Variants in MAD1L1 observed in about 807,000 individuals in gnomAD.
MAD1L1 encodes the protein mitotic arrest deficient 1 like 1.
In MAD1L1, 95 loss-of-function variants were observed where a neutral mutation model predicts 96.9. The observed-to-expected ratio is 0.98, with a 90% CI of 0.83 to 1.16. The LOEUF (loss-of-function observed/expected upper bound fraction) is 1.16, where lower values mean the gene tolerates loss of function less well. Among genes scored for constraint, MAD1L1 ranks in the 50% most tolerant of loss-of-function variants. The pLI is 0.00. For synonymous variants in MAD1L1, 473 were observed against 396.6 expected (o/e 1.19, Z -2.29); for missense variants, 1,007 against 954.4 (o/e 1.06, Z -0.73).
At chr7:2,094,716 G>T (rs1359012214) in intron 11 of MAD1L1, among the ~76,000 whole-genome samples, 1 of 152,162 alleles carries the variant, frequency 6.6e-6, no homozygotes, top group African/African-American at 2.4e-5. Context: ...AAAGGCCCCG[G>T]GGCAGGAGCA....
chr7:1,974,384 T>C (rs1780536914), intron 15 of MAD1L1, among the ~76,000 whole-genome samples: 1 of 152,092 alleles, frequency 6.6e-6, no homozygotes, highest in South Asian at 2.1e-4. Context: ...AACAGCAACT[T>C]AGAGCAACAG....
At chr7:2,228,647 A>C in intron 3 of MAD1L1, among the ~76,000 whole-genome samples, 1 of 89,842 alleles carries the variant, frequency 1.1e-5, no homozygotes, top group South Asian at 3.3e-4. Context: ...TAAATATTAT[A>C]TATATACACA....
chr7:1,874,539 G>C, intron 18 of MAD1L1: 1 of 455,272 alleles, frequency 2.2e-6, no homozygotes, highest in South Asian at 1.6e-5. Flanking sequence ...GGCTGAGTGC[G>C]GCTTCCTTAA....
intron 11 of MAD1L1, among the ~76,000 whole-genome samples, chr7:2,147,233 G>A (rs1304836560): frequency 6.6e-6 from 1 of 152,152 alleles, no homozygotes; most frequent in Non-Finnish European, 1.5e-5. Flanking sequence ...TGACCAGCAA[G>A]GAGCAGACCA....
In MAD1L1 at chr7:1,906,258, G is replaced by A. The variant is rs553124264; in HGVS notation, c.1808-7868C>T. Among the ~76,000 whole-genome samples, 73 of 152,184 alleles carry A rather than the reference G, an allele frequency of 4.8e-4. No homozygotes were observed. In the South Asian group the frequency reaches 9.3e-3, roughly 19 times the overall value. ...AGCAGCCTCTTCCCAGGCTGGCCTC[G>A]GTTGTGTATGCCAACACCGCTCCTG... On this transcript the variant is annotated intron_variant, in intron 17 of 18. Coordinates refer to ENST00000265854, the MANE Select transcript of MAD1L1 (RefSeq NM_001013836.2).
At chr7:1,907,854 G>C (rs1787765592) in intron 17 of MAD1L1, among the ~76,000 whole-genome samples, 2 of 152,170 alleles carry the variant, frequency 1.3e-5, no homozygotes, top group African/African-American at 4.8e-5. Context: ...CAGGTGTGGA[G>C]TGAGGGGGCA....
chr7:1,821,941 G>T (rs995118043), intron 18 of MAD1L1, among the ~76,000 whole-genome samples: 13 of 152,128 alleles, frequency 8.5e-5, no homozygotes, highest in Non-Finnish European at 1.5e-4. Context: ...GTAAGAAAAG[G>T]AAAGCAGCAG....
At chr7:1,904,667 A>C (rs372840905) in intron 17 of MAD1L1, among the ~76,000 whole-genome samples, 1 of 49,474 alleles carries the variant, frequency 2.0e-5, no homozygotes, top group Non-Finnish European at 3.9e-5. Context: ...ATTCATGATT[A>C]ATGAAGCACT....
At chr7:1,961,647 A>G (rs1027442166) in intron 15 of MAD1L1, among the ~76,000 whole-genome samples, 66 of 152,246 alleles carry the variant, frequency 4.3e-4, no homozygotes, top group African/African-American at 1.5e-3. Flanking sequence ...TGGGACAGCC[A>G]AAGATTTCTT....
intron 18 of MAD1L1, among the ~76,000 whole-genome samples, chr7:1,817,898 C>T (rs1454217384): frequency 6.6e-6 from 1 of 151,958 alleles, no homozygotes; most frequent in East Asian, 1.9e-4. Flanking sequence ...CCCCTCACCA[C>T]CTTTGGAGCA....
intron 10 of MAD1L1, among the ~76,000 whole-genome samples, chr7:2,209,104 C>T (rs1303847404): frequency 6.6e-6 from 1 of 152,200 alleles, no homozygotes; most frequent in Non-Finnish European, 1.5e-5. Context: ...ATGCCCCCAG[C>T]CTGCGTGAAC....
At chr7:1,967,245 C>A (rs1780205935) in intron 15 of MAD1L1, among the ~76,000 whole-genome samples, 1 of 152,134 alleles carries the variant, frequency 6.6e-6, no homozygotes, top group South Asian at 2.1e-4. Flanking sequence ...CTCAAAACAT[C>A]AGACTGAGAA....
chr7:2,143,127 C>T (rs1252331817), intron 11 of MAD1L1, among the ~76,000 whole-genome samples: 1 of 152,084 alleles, frequency 6.6e-6, no homozygotes, highest in African/African-American at 2.4e-5. Flanking sequence ...TGAGCCAGCA[C>T]CGTCCACAGG....
intron 17 of MAD1L1, among the ~76,000 whole-genome samples, chr7:1,917,820 G>A (rs897872198): frequency 6.6e-6 from 1 of 152,178 alleles, no homozygotes; most frequent in Non-Finnish European, 1.5e-5. Flanking sequence ...AGGAAGGGTG[G>A]GGCCACCTGG....
In MAD1L1 at chr7:2,062,271, A is replaced by C. The variant is rs540745315; in HGVS notation, c.1218+6923T>G. Among the ~76,000 whole-genome samples the C allele has an allele frequency of 9.7e-3, 1,401 of 145,128 alleles. 25 individuals carry two copies. Among genetic ancestry groups the C allele is most frequent in the African/African-American group, 0.034 (1,315 of 39,014 alleles). On this transcript the variant is annotated intron_variant, in intron 12 of 18. Transcript: ENST00000265854. Reference sequence around the variant, plus strand: ...AACAGCAACGACAAAAAAAAAAAAAAAAAAACAGGGAATTGAAGGCCGGAC... The same window carrying C: ...AACAGCAACGACAAAAAAAAAAAAACAAAAACAGGGAATTGAAGGCCGGAC...
At chr7:1,836,902 G>C (rs1782962235) in intron 18 of MAD1L1, among the ~76,000 whole-genome samples, 1 of 152,142 alleles carries the variant, frequency 6.6e-6, no homozygotes, top group Admixed American at 6.5e-5. Context: ...GTGACCTTGG[G>C]TTAGGTAAAG....
intron 14 of MAD1L1, among the ~76,000 whole-genome samples, chr7:1,982,287 C>T: frequency 6.6e-6 from 1 of 152,146 alleles, no homozygotes; most frequent in African/African-American, 2.4e-5. Flanking sequence ...GTCATCTCAG[C>T]TCACTGCAGC....
intron 10 of MAD1L1, among the ~76,000 whole-genome samples, chr7:2,208,260 C>T (rs73291515): frequency 0.018 from 2,674 of 152,228 alleles, 81 homozygotes; most frequent in African/African-American, 0.061. Flanking sequence ...GTACATTGTC[C>T]TTGTATCCCG....
chr7:2,156,200 G>A lies in MAD1L1; in HGVS notation c.987-6962C>T, dbSNP rs1016707465. On this transcript the variant is annotated intron_variant, in intron 10 of 18. Transcript: ENST00000265854. Reference sequence around the variant, plus strand: ...TCACGGCGCGTGTGGCGAGGGGAGCGGGCGCACGGTTTCACGGCGCGTGTG... The same window carrying A: ...TCACGGCGCGTGTGGCGAGGGGAGCAGGCGCACGGTTTCACGGCGCGTGTG... Among the ~76,000 whole-genome samples, 7 of 150,238 alleles carry A rather than the reference G, an allele frequency of 4.7e-5. No individual in the cohort carries two copies. In the South Asian group the frequency reaches 8.4e-4, roughly 18 times the overall value.
Sources: gnomAD v4.1 joint callset for allele counts (sites outside exome capture counted in the v4.1 genomes callset) on GRCh38, gnomAD v4.1.1 for gene constraint, MANE v1.5 for transcripts, NCBI Gene and HGNC (gene_info 2026-07-23, HGNC 2026-07-21) for gene names.